Variants in CTBP2 observed in about 807,000 individuals in gnomAD.
CTBP2 encodes the protein C-terminal-binding protein 2.
A neutral mutation model predicts 80.3 loss-of-function variants in CTBP2; 30 were observed. The observed-to-expected ratio is 0.37, with a 90% confidence interval of 0.28 to 0.51. CTBP2 has a LOEUF of 0.51. Among genes scored for constraint, CTBP2 ranks in the 20% least tolerant of loss-of-function variants. CTBP2 has a pLI of 0.93. For missense variants in CTBP2, 1,212 were observed against 1,375.3 expected, an observed-to-expected ratio of 0.88 and a Z score of 1.88; for synonymous variants, 594 against 587.4, an observed-to-expected ratio of 1.01 and a Z score of -0.16.
intron 1 of CTBP2, among the ~76,000 whole-genome samples, chr10:125,138,838 C>G (rs1164456970): frequency 1.3e-5 from 2 of 152,166 alleles, no homozygotes; most frequent in Admixed American, 1.3e-4. Flanking sequence ...TCCAAACATA[C>G]CTGTGCCCGT....
intron 3 of CTBP2, chr10:125,000,364 G>A (rs992563460): frequency 6.6e-6 from 1 of 152,244 alleles, no homozygotes; most frequent in Non-Finnish European, 1.5e-5. Flanking sequence ...CCACACGATG[G>A]GTGGCTCTGA....
At chr10:125,058,383 C>T (rs545639431) in intron 2 of CTBP2, among the ~76,000 whole-genome samples, 2 of 152,216 alleles carry the variant, frequency 1.3e-5, no homozygotes, top group Non-Finnish European at 2.9e-5. Flanking sequence ...CCTGATCTAA[C>T]CATCCATTCC....
chr10:125,018,367 C>T (rs1956705748), intron 1 of CTBP2, among the ~76,000 whole-genome samples: 4 of 152,090 alleles, frequency 2.6e-5, no homozygotes, highest in African/African-American at 7.2e-5. Flanking sequence ...TCTACTAATA[C>T]AAAAATTAAC....
intron 1 of CTBP2, among the ~76,000 whole-genome samples, chr10:125,012,569 C>G (rs1356187518): frequency 1.3e-5 from 2 of 152,200 alleles, no homozygotes; most frequent in Non-Finnish European, 2.9e-5. Context: ...CTGCATACCC[C>G]ACTCGTGTGG....
intron 6 of CTBP2, 23 bp from the exon 9 acceptor site, chr10:124,993,352 G>C: frequency 6.2e-7 from 1 of 1,601,754 alleles, no homozygotes; most frequent in Non-Finnish European, 8.5e-7. Context: ...AGAAAAAACA[G>C]AGTAAGCGGG....
intron 1 of CTBP2, among the ~76,000 whole-genome samples, chr10:125,009,411 C>A (rs1211606006): frequency 1.3e-5 from 2 of 152,120 alleles, no homozygotes; most frequent in East Asian, 1.9e-4. Context: ...GAGGCCGGGG[C>A]GGGACAGGGA....
At chr10:125,006,746 G>A (rs1955293820) in intron 1 of CTBP2, among the ~76,000 whole-genome samples, 1 of 152,230 alleles carries the variant, frequency 6.6e-6, no homozygotes, top group Non-Finnish European at 1.5e-5. Context: ...TATACATTAA[G>A]ATGGAACACG....
At chr10:124,991,367 C>G (rs919290455) in intron 8 of CTBP2, among the ~76,000 whole-genome samples, 7 of 152,178 alleles carry the variant, frequency 4.6e-5, no homozygotes, top group Admixed American at 2.6e-4. Flanking sequence ...AGAGCCCCAG[C>G]TTACGTGAAG....
At chr10:125,086,105 T>C (rs1847926353) in intron 2 of CTBP2, among the ~76,000 whole-genome samples, 1 of 152,214 alleles carries the variant, frequency 6.6e-6, no homozygotes, top group Non-Finnish European at 1.5e-5. Flanking sequence ...CTGGTCTTAA[T>C]GTTTGTGTCC....
chr10:125,119,352 A>C (rs908438227), intron 1 of CTBP2, among the ~76,000 whole-genome samples: 1 of 152,122 alleles, frequency 6.6e-6, no homozygotes, highest in African/African-American at 2.4e-5. Flanking sequence ...CTTTTCTGTA[A>C]ACTTGAGATT....
chr10:125,036,699 GT>G (rs1958932837), intron 3 of CTBP2, among the ~76,000 whole-genome samples: 1 of 117,088 alleles, frequency 8.5e-6, no homozygotes, highest in Admixed American at 8.2e-5. Flanking sequence ...GTGTGTGTGT[GT>G]GTGTGTGTGT....
chr10:124,994,796 G>C (rs1050230532), intron 4 of CTBP2, 113 bp from the exon 7 acceptor site: 1 of 1,066,214 alleles, frequency 9.4e-7, no homozygotes, highest in Non-Finnish European at 1.4e-6. Context: ...GGTAGCTGCT[G>C]CCAGAGAAAC....
At chr10:125,144,204 C>G (rs1004827804) in intron 1 of CTBP2, among the ~76,000 whole-genome samples, 10 of 152,352 alleles carry the variant, frequency 6.6e-5, no homozygotes, top group African/African-American at 2.4e-4. Context: ...ACTCTTGAAA[C>G]TGGATTCTCC....
chr10:125,005,231 C>T (rs1039150526), intron 1 of CTBP2, among the ~76,000 whole-genome samples: 2 of 152,198 alleles, frequency 1.3e-5, no homozygotes, highest in Non-Finnish European at 2.9e-5. Flanking sequence ...GCTTTTGTCC[C>T]AGCCTCAGAA....
At chr10:125,057,435 G>A (rs186083824) in intron 2 of CTBP2, among the ~76,000 whole-genome samples, 1 of 152,248 alleles carries the variant, frequency 6.6e-6, no homozygotes, top group East Asian at 1.9e-4. Flanking sequence ...GCCAAACCCC[G>A]AGCTATGAAA....
At chr10:125,003,861 A>C (rs1954882736) in intron 1 of CTBP2, among the ~76,000 whole-genome samples, 1 of 151,822 alleles carries the variant, frequency 6.6e-6, no homozygotes, top group Non-Finnish European at 1.5e-5. Flanking sequence ...ACACTATGAC[A>C]GGGGATAAGG....
rs538955963 is a variant in CTBP2, at chr10:125,131,030, A to G, written c.-205-19937T>C. On this transcript the variant is annotated intron_variant, in intron 1 of 10. Transcript: ENST00000337195. ...TGGAAGAGACTTCTTGGGGAGGCAGACAGGCGGGGAGGCAGAGGGAGACGC... is the reference window on the plus strand; with the variant it reads ...TGGAAGAGACTTCTTGGGGAGGCAGGCAGGCGGGGAGGCAGAGGGAGACGC... 2.0e-5 allele frequency among the ~76,000 whole-genome samples: 3 copies of G among 152,304 alleles called. No homozygotes were observed. The East Asian group carries it at 5.8e-4, about 29-fold the overall frequency.
chr10:125,107,980 T>G (rs548631137), intron 2 of CTBP2, among the ~76,000 whole-genome samples: 3 of 152,322 alleles, frequency 2.0e-5, no homozygotes, highest in African/African-American at 7.2e-5. Flanking sequence ...AAAAGATAAT[T>G]GGGTACTGCT....
At chr10:125,087,898 G>C (rs1026160543) in intron 2 of CTBP2, among the ~76,000 whole-genome samples, 2 of 152,162 alleles carry the variant, frequency 1.3e-5, no homozygotes, top group Admixed American at 6.5e-5. Context: ...CTCTGGAACC[G>C]GTTGCCTCCC....
Sources: gnomAD v4.1 joint callset for allele counts (sites outside exome capture counted in the v4.1 genomes callset) on GRCh38, gnomAD v4.1.1 for gene constraint, MANE v1.5 for transcripts, NCBI Gene and HGNC (gene_info 2026-07-23, HGNC 2026-07-21) for gene names.